STAU1: variants seen among roughly 807,000 people sequenced by gnomAD.
STAU1 encodes staufen double-stranded RNA binding protein 1.
In STAU1, 13 loss-of-function variants were observed where a neutral mutation model predicts 62.9. That is an observed-to-expected ratio of 0.21 (90% CI 0.13 to 0.33). The LOEUF (loss-of-function observed/expected upper bound fraction) is 0.33. Among genes scored for constraint, STAU1 ranks in the 10% least tolerant of loss-of-function variants. The pLI is 1.00. For synonymous variants in STAU1, 269 were observed against 265.1 expected (o/e 1.01, Z -0.14); for missense variants, 571 against 712.1 (o/e 0.80, Z 2.25).
At chr20:49,135,061 T>C in intron 6 of STAU1, 2 of 1,299,952 alleles carry the variant, frequency 1.5e-6, no homozygotes, top group East Asian at 2.3e-5. Context: ...GGGCAGCATT[T>C]TCCAGCAAGA....
chr20:49,206,197 T>G, the STAU1 span, among the ~76,000 whole-genome samples: 1 of 150,456 alleles, frequency 6.6e-6, no homozygotes, highest in Non-Finnish European at 1.5e-5. Context: ...TTTTACCATA[T>G]TGGCTAGGCT....
chr20:49,157,477 C>T lies in STAU1; in HGVS notation c.206-3406G>A, dbSNP rs142669796. 6.3e-3 allele frequency among the ~76,000 whole-genome samples: 953 copies of T among 151,916 alleles called. 3 individuals carry two copies. The highest frequency in any genetic ancestry group is 8.0e-3 in the Non-Finnish European group (545 of 67,938). On this transcript the variant is annotated intron_variant, in intron 3 of 13. Coordinates refer to ENST00000371856, the MANE Select transcript of STAU1 (RefSeq NM_017453.4). ...TACAGGCACACACCACCATACTTGG[C>T]TAATTTTTTTTTTTTATTTTTTTGA...
At chr20:49,218,568 A>AC in the STAU1 span, among the ~76,000 whole-genome samples, 2 of 151,858 alleles carry the variant, frequency 1.3e-5, no homozygotes, top group Non-Finnish European at 2.9e-5. Context: ...AAACAAACAA[A>AC]AAAAACATGA....
chr20:49,116,000 A>G, intron 12 of STAU1, 133 bp from the exon 13 acceptor site: 1 of 641,760 alleles, frequency 1.6e-6, no homozygotes. Context: ...TGGTACTACT[A>G]AATAAAACTT....
At chr20:49,124,091 G>A (rs946983741) in intron 7 of STAU1, among the ~76,000 whole-genome samples, 5 of 152,204 alleles carry the variant, frequency 3.3e-5, no homozygotes, top group Admixed American at 1.3e-4. Flanking sequence ...CCACAGACCG[G>A]CATGGCGTTC....
At chr20:49,212,812 G>A in the STAU1 span, among the ~76,000 whole-genome samples, 13 of 151,260 alleles carry the variant, frequency 8.6e-5, no homozygotes, top group African/African-American at 3.2e-4. Context: ...TGGTCAGGCT[G>A]GTCTCGAACT....
chr20:49,145,649 G>C (rs1467688072), intron 5 of STAU1, among the ~76,000 whole-genome samples: 1 of 151,596 alleles, frequency 6.6e-6, no homozygotes, highest in African/African-American at 2.4e-5. Flanking sequence ...AGAATAGCTT[G>C]AATCAGGGAG....
intron 1 of STAU1, among the ~76,000 whole-genome samples, chr20:49,178,231 C>T (rs564364593): frequency 6.6e-6 from 1 of 152,140 alleles, no homozygotes; most frequent in Non-Finnish European, 1.5e-5. Context: ...TTGAAATCCT[C>T]CAATTTCAAA....
chr20:49,183,488 T>C (rs905080151), intron 1 of STAU1, among the ~76,000 whole-genome samples: 12 of 152,220 alleles, frequency 7.9e-5, no homozygotes, highest in African/African-American at 2.9e-4. Context: ...TGGGATTGAC[T>C]TGTGGAATCC....
In STAU1 at chr20:49,113,426, A is replaced by G. The variant is rs552053360; in HGVS notation, c.*1452T>C. Reference sequence around the variant, plus strand: ...TTGCCCAGATGGAATCACAAGCATTACAAAGTTTTTTTCTTAAAAATAAAA... The same window carrying G: ...TTGCCCAGATGGAATCACAAGCATTGCAAAGTTTTTTTCTTAAAAATAAAA... On this transcript the variant is annotated 3_prime_UTR_variant, in exon 14 of 14. Coordinates refer to ENST00000371856, the MANE Select transcript of STAU1 (RefSeq NM_017453.4). 4.8e-5 allele frequency: 2 copies of G among 41,354 alleles called. No individual in the cohort carries two copies. The highest frequency in any genetic ancestry group is 1.0e-3 in the South Asian group (2 of 1,992). The allele number at this position is 41,354 out of a possible 1,614,324, so 2.6% of individuals were successfully genotyped here.
At chr20:49,219,146 T>A in the STAU1 span, 1 of 527,744 alleles carries the variant, frequency 1.9e-6, no homozygotes. Flanking sequence ...ATCTAGAGTT[T>A]ATAAATGCAA....
the STAU1 span, among the ~76,000 whole-genome samples, chr20:49,216,676 T>C: frequency 6.6e-6 from 1 of 152,132 alleles, no homozygotes; most frequent in African/African-American, 2.4e-5. Context: ...TTTTTTTTCC[T>C]TTTTCCCAGT....
chr20:49,145,143 T>C (rs975099276), intron 5 of STAU1, among the ~76,000 whole-genome samples: 6 of 152,154 alleles, frequency 3.9e-5, no homozygotes, highest in African/African-American at 1.4e-4. Context: ...AATGAAAACC[T>C]GGCTGGGCGT....
intron 6 of STAU1, among the ~76,000 whole-genome samples, chr20:49,126,593 A>AAAAAACAAAACAAAAAAAAAAC (rs1568835821): frequency 5.7e-5 from 8 of 139,154 alleles, no homozygotes; most frequent in African/African-American, 2.0e-4. Flanking sequence ...AAAAACAAAA[A>AAAAAACAAAACAAAAAAAAAAC]AAAAACAAAA....
chr20:49,196,449 A>C, the STAU1 span, among the ~76,000 whole-genome samples: 16 of 148,382 alleles, frequency 1.1e-4, no homozygotes, highest in Non-Finnish European at 2.2e-4. Context: ...CAAAACAAAA[A>C]AAAAAAAAAA....
chr20:49,148,438 A>G (rs73268150), intron 5 of STAU1, among the ~76,000 whole-genome samples: 6 of 152,382 alleles, frequency 3.9e-5, no homozygotes, highest in African/African-American at 1.4e-4. Context: ...GAAATATTCC[A>G]AAATCAAAAA....
chr20:49,207,934 G>A, the STAU1 span, among the ~76,000 whole-genome samples: 10 of 152,168 alleles, frequency 6.6e-5, 1 homozygote, highest in East Asian at 1.9e-3. Flanking sequence ...AGGCTGGAGT[G>A]CGGTGGCATG....
chr20:49,153,900 ATT>A (rs1347425909), intron 4 of STAU1, 31 bp downstream of exon 4: 1 of 1,478,546 alleles, frequency 6.8e-7, no homozygotes, highest in Non-Finnish European at 8.9e-7. Flanking sequence ...TTTCTCCTGT[ATT>A]TTACAAAAAA....
intron 9 of STAU1, among the ~76,000 whole-genome samples, chr20:49,119,615 TAACA>T (rs1018804166): frequency 2.6e-5 from 4 of 152,188 alleles, no homozygotes; most frequent in African/African-American, 9.7e-5. Flanking sequence ...AACGAAAGCC[TAACA>T]GTTATAAATC....
Sources: allele counts gnomAD v4.1 joint callset (sites outside exome capture counted in the v4.1 genomes callset), GRCh38; gene constraint gnomAD v4.1.1; transcripts MANE v1.5; gene names NCBI Gene and HGNC (gene_info 2026-07-23, HGNC 2026-07-21).